The following TCF7L2 variants were observed in gnomAD, a reference collection of about 807,000 sequenced individuals.
TCF7L2 encodes the protein transcription factor 7-like 2.
TCF7L2 carries 23 observed loss-of-function variants against 77.9 expected under a neutral mutation model. The observed-to-expected ratio is 0.30, with a 90% CI of 0.21 to 0.42. TCF7L2 has a LOEUF of 0.42. TCF7L2 is among the 10% of genes least tolerant of loss of function. TCF7L2 has a pLI of 1.00. For synonymous variants in TCF7L2, 413 were observed against 340.2 expected, an observed-to-expected ratio of 1.21 and a Z score of -2.36; for missense variants, 654 against 793.1, an observed-to-expected ratio of 0.82 and a Z score of 2.11.
intron 3 of TCF7L2, among the ~76,000 whole-genome samples, chr10:112,958,012 T>C (rs2034122019): frequency 6.6e-6 from 1 of 152,194 alleles, no homozygotes; most frequent in Non-Finnish European, 1.5e-5. Context: ...AAAGGTTTTC[T>C]TTTCTAATCA....
At position 113,004,101 on chromosome 10, in the gene TCF7L2, C is replaced by A. The variant is rs185595059; in HGVS notation, c.451-35924C>A. On this transcript the variant is annotated intron_variant, in intron 4 of 13. Transcript: ENST00000627217. ...GTATCAGTTAGTTTGGCTTTAATGA[C>A]TGAGAAGAGATTCCACCAGTTCATT... 2.9e-3 allele frequency among the ~76,000 whole-genome samples: 436 copies of A among 152,232 alleles called. 5 individuals are homozygous for A. Among genetic ancestry groups the A allele is most frequent in the Admixed American group, 0.024 (365 of 15,286 alleles).
rs533263108 is a variant in TCF7L2 at position 112,961,262 on chromosome 10, C to A, written c.382-3294C>A. 5.7e-4 allele frequency among the ~76,000 whole-genome samples: 75 copies of A among 130,864 alleles called. 17 individuals carry two copies. The highest frequency in any genetic ancestry group is 2.0e-3 in the African/African-American group (63 of 31,062). The allele number at this position is 130,864 out of a possible 152,430, so 85.9% of individuals were successfully genotyped here. ...ACTCCCGACCTCAGGTGACCCCCCC[C>A]CCCCCAACCTCGGCCTTCCAAAGCG... On this transcript the variant is annotated intron_variant, in intron 3 of 13. Coordinates refer to ENST00000627217, the MANE Select transcript of TCF7L2 (RefSeq NM_001146274.2).
chr10:113,154,403 G>A (rs1465693475), intron 11 of TCF7L2, among the ~76,000 whole-genome samples: 2 of 152,110 alleles, frequency 1.3e-5, no homozygotes, highest in African/African-American at 2.4e-5. Context: ...ACCACAGAGC[G>A]GAATTCAGCT....
chr10:112,994,870 C>T lies in TCF7L2; in HGVS notation c.450+30246C>T, dbSNP rs143148474. Reference sequence around the variant, plus strand: ...ATCCCAGCACTTTGGGAGACTGAGGCGAGCAGATCACCTAAGGTCAGGAGT... The same window carrying T: ...ATCCCAGCACTTTGGGAGACTGAGGTGAGCAGATCACCTAAGGTCAGGAGT... On this transcript the variant is annotated intron_variant, in intron 4 of 13. Coordinates refer to ENST00000627217, the MANE Select transcript of TCF7L2 (RefSeq NM_001146274.2). Among the ~76,000 whole-genome samples the T allele has an allele frequency of 1.5e-3, 235 of 152,072 alleles. 6 individuals carry two copies. The East Asian group carries it at 0.034, about 22-fold the overall frequency.
At chr10:113,119,084 C>T (rs1226542009) in intron 5 of TCF7L2, among the ~76,000 whole-genome samples, 3 of 152,106 alleles carry the variant, frequency 2.0e-5, no homozygotes, top group African/African-American at 4.8e-5. Context: ...TGAACCAGTG[C>T]GGAAGTTAAT....
Position 112,964,565 on chromosome 10 carries a change from C to T in TCF7L2, c.391C>T (p.Gln131Ter). The change falls in exon 4 of 14, where the codon CAG (glutamine) becomes TAG (stop). Residue 131 changes from glutamine (Q) to a stop codon, truncating the protein, a stop_gained. Transcript: ENST00000627217. LOFTEE classifies it high-confidence loss of function. ...TGGTTTCTTTCTACAGCTCCATTTT[C>T]AGTCCGGCAGCACACATTACTCTGC... 1 of 1,613,458 alleles carries T rather than the reference C, an allele frequency of 6.2e-7. No homozygotes were observed. Among genetic ancestry groups the T allele is most frequent in the Non-Finnish European group, 8.5e-7 (1 of 1,179,496 alleles).
intron 4 of TCF7L2, among the ~76,000 whole-genome samples, chr10:112,971,995 A>G (rs1417573272): frequency 2.6e-5 from 4 of 151,518 alleles, no homozygotes; most frequent in Non-Finnish European, 4.4e-5. Flanking sequence ...ATCTCGGCTC[A>G]CTGCAACCTC....
chr10:112,963,101 T>C (rs926781601), intron 3 of TCF7L2, among the ~76,000 whole-genome samples: 9 of 152,168 alleles, frequency 5.9e-5, no homozygotes, highest in Non-Finnish European at 7.3e-5. Context: ...TATCTATATA[T>C]AAATATATAT....
rs982472237 is a variant in TCF7L2 at position 113,165,582 on chromosome 10, A to G, written c.1419A>G (p.Ile473Met). 1 of 1,613,970 alleles carries G rather than the reference A, an allele frequency of 6.2e-7. No homozygotes were observed. ...GAAAAAAAAAGTGCGTTCGCTACAT[A>G]CAAGGTGAAGGCAGCTGCCTCAGCC... is the stretch of plus-strand genomic sequence containing the variant. Residue 473 changes from isoleucine to methionine, a missense_variant, in exon 14 of 14, where the codon ATA becomes ATG. Physicochemically the swap from Ile to Met is conservative, Grantham distance 10. Transcript: ENST00000627217.
chr10:113,031,873 C>T (rs1395063033), intron 4 of TCF7L2, among the ~76,000 whole-genome samples: 5 of 152,158 alleles, frequency 3.3e-5, no homozygotes, highest in Non-Finnish European at 7.3e-5. Flanking sequence ...TTCTCTGGGC[C>T]TCAGAATATC....
intron 4 of TCF7L2, among the ~76,000 whole-genome samples, chr10:112,988,613 T>A (rs925334076): frequency 6.6e-6 from 1 of 152,208 alleles, no homozygotes; most frequent in Non-Finnish European, 1.5e-5. Flanking sequence ...CTTAGTATTA[T>A]CACTAATGCA....
intron 5 of TCF7L2, among the ~76,000 whole-genome samples, chr10:113,082,857 C>CTGTG (rs1360325368): frequency 3.9e-5 from 6 of 151,956 alleles, no homozygotes; most frequent in Admixed American, 3.9e-4. Flanking sequence ...TCCTCATATG[C>CTGTG]TGTGTCAAGC....
intron 4 of TCF7L2, among the ~76,000 whole-genome samples, chr10:112,991,833 G>C (rs2042608168): frequency 6.6e-6 from 1 of 152,150 alleles, no homozygotes; most frequent in African/African-American, 2.4e-5. Context: ...GCCCCACACT[G>C]GCGAACCTAT....
chr10:113,164,649 G>A (rs2073780569), intron 13 of TCF7L2, among the ~76,000 whole-genome samples: 1 of 151,180 alleles, frequency 6.6e-6, no homozygotes, highest in Non-Finnish European at 1.5e-5. Flanking sequence ...CAACCTGCAG[G>A]CCATACAACC....
At chr10:113,143,190 T>A (rs1032164671) in intron 6 of TCF7L2, among the ~76,000 whole-genome samples, 34 of 152,354 alleles carry the variant, frequency 2.2e-4, no homozygotes, top group African/African-American at 7.7e-4. Flanking sequence ...CAGAATCCGC[T>A]CATGTGTGCC....
Position 112,996,083 on chromosome 10 carries a change from G to A in TCF7L2, c.450+31459G>A, listed in dbSNP as rs570097694. Among the ~76,000 whole-genome samples the A allele has an allele frequency of 1.6e-4, 25 of 152,230 alleles. No individual in the cohort carries two copies. In the South Asian group the frequency reaches 1.7e-3, roughly 10 times the overall value. On this transcript the variant is annotated intron_variant, in intron 4 of 13. Coordinates refer to ENST00000627217, the MANE Select transcript of TCF7L2 (RefSeq NM_001146274.2). ...ACTCATTTACAGCTTGATCCTATGC[G>A]GTGGGCATTCATTTACAGAGGATCC...
chr10:112,973,489 A>C (rs1343779612), intron 4 of TCF7L2, among the ~76,000 whole-genome samples: 2 of 152,122 alleles, frequency 1.3e-5, no homozygotes, highest in Admixed American at 1.3e-4. Context: ...GGTCTAGGGG[A>C]TCCTGGAATC....
At position 113,143,826 on chromosome 10, in the gene TCF7L2, G is replaced by C. The variant is rs192498266; in HGVS notation, c.686-97G>C. ...AACCTTGTGCTAGGATTCCAGAAGA[G>C]ATGCGTCTCTTCCTCCTTTCCCTGT... On this transcript the variant is annotated intron_variant, in intron 6 of 13. Transcript: ENST00000627217. 424 of 815,048 alleles carry C rather than the reference G, an allele frequency of 5.2e-4. 2 individuals are homozygous for C. The African/African-American group carries it at 5.7e-3, about 11-fold the overall frequency. The allele number at this position is 815,048 out of a possible 1,614,324, so 50.5% of individuals were successfully genotyped here.
intron 4 of TCF7L2, among the ~76,000 whole-genome samples, chr10:113,001,983 T>C (rs1262461564): frequency 6.6e-6 from 1 of 152,160 alleles, no homozygotes; most frequent in African/African-American, 2.4e-5. Flanking sequence ...AATCCTGGTA[T>C]CTCTCTTTGG....
Sources: allele counts gnomAD v4.1 joint callset (sites outside exome capture counted in the v4.1 genomes callset), GRCh38; gene constraint gnomAD v4.1.1; transcripts MANE v1.5; gene names NCBI Gene and HGNC (gene_info 2026-07-23, HGNC 2026-07-21).